Variants in PREX2 observed in about 807,000 individuals in gnomAD.
PREX2 encodes the protein phosphatidylinositol 3,4,5-trisphosphate-dependent Rac exchanger 2 protein.
PREX2 carries 107 observed loss-of-function variants against 203.2 expected under a neutral mutation model. That is an observed-to-expected ratio of 0.53 (90% CI 0.45 to 0.62). The LOEUF is 0.62. Among genes scored for constraint, PREX2 ranks in the 20% least tolerant of loss-of-function variants. The pLI, the probability that PREX2 is intolerant of heterozygous loss-of-function variation, is 0.00. For synonymous variants in PREX2, 672 were observed against 663.6 expected, an observed-to-expected ratio of 1.01 and a Z score of -0.19; for missense variants, 1,777 against 1,955.9, an observed-to-expected ratio of 0.91 and a Z score of 1.72.
At chr8:68,021,444 T>C (rs965175162) in intron 3 of PREX2, among the ~76,000 whole-genome samples, 9 of 152,216 alleles carry the variant, frequency 5.9e-5, no homozygotes, top group Non-Finnish European at 1.3e-4. Context: ...TCTCTCATTC[T>C]CTTAGTTGCT....
chr8:67,989,417 G>T (rs184966024), intron 1 of PREX2, among the ~76,000 whole-genome samples: 1 of 151,898 alleles, frequency 6.6e-6, no homozygotes, highest in Non-Finnish European at 1.5e-5. Context: ...TGAAATATTA[G>T]GTTACTAAAT....
intron 31 of PREX2, among the ~76,000 whole-genome samples, chr8:68,128,616 CTCATCATCTA>C (rs1408303076): frequency 6.6e-6 from 1 of 152,084 alleles, no homozygotes; most frequent in East Asian, 1.9e-4. Context: ...CTGCCTGTCT[CTCATCATCTA>C]TGAGGCTAGC....
intron 35 of PREX2, among the ~76,000 whole-genome samples, chr8:68,180,490 A>C (rs919688093): frequency 7.9e-5 from 12 of 152,116 alleles, no homozygotes; most frequent in Non-Finnish European, 1.6e-4. Flanking sequence ...ATGAGTTTAC[A>C]GATTTGGGTC....
chr8:68,115,021 C>CTTTTTTTTTTTTTTTTTTTTTTTTTTT (rs5892137), intron 25 of PREX2, among the ~76,000 whole-genome samples: 1 of 86,866 alleles, frequency 1.2e-5, no homozygotes, highest in Non-Finnish European at 2.1e-5. Context: ...TCTTTTCTTT[C>CTTTTTTTTTTTTTTTTTTTTTTTTTTT]TTTTTTTTTT....
In PREX2 at chr8:68,109,518, T is replaced by C. The variant is rs1325009951; in HGVS notation, c.3041T>C (p.Leu1014Pro). ...GQQDGHGLRYLLKEEDLETQD... is the reference protein window; with the variant it reads ...GQQDGHGLRYPLKEEDLETQD... ...CAGGATGGCCATGGTCTCAGGTATC[T>C]GCTAAAAGAAGAAGACTTAGAAACC... The change falls in exon 25 of 40, where the codon CTG becomes CCG. Residue 1014 changes from leucine to proline, a missense_variant. Physicochemically the swap from Leu to Pro is moderately conservative, Grantham distance 98. Transcript: ENST00000288368. 12 of 1,614,058 alleles carry C rather than the reference T, an allele frequency of 7.4e-6. No individual in the cohort carries two copies. The highest frequency in any genetic ancestry group is 9.3e-6 in the Non-Finnish European group (11 of 1,179,948).
intron 32 of PREX2, among the ~76,000 whole-genome samples, chr8:68,137,882 A>G (rs1811145109): frequency 6.6e-6 from 1 of 152,234 alleles, no homozygotes; most frequent in Admixed American, 6.5e-5. Flanking sequence ...TGAGGTGAAA[A>G]TGATTCTTGC....
chr8:67,984,670 T>G (rs1284453925), intron 1 of PREX2, among the ~76,000 whole-genome samples: 1 of 152,228 alleles, frequency 6.6e-6, no homozygotes, highest in Non-Finnish European at 1.5e-5. Flanking sequence ...CCTGGAAGAC[T>G]GCAGGTCTGC....
chr8:68,121,830 C>T (rs1585811107), intron 30 of PREX2, among the ~76,000 whole-genome samples: 1 of 152,170 alleles, frequency 6.6e-6, no homozygotes, highest in East Asian at 1.9e-4. Context: ...TGCTGCTGAA[C>T]ATTCTAGAAT....
intron 35 of PREX2, among the ~76,000 whole-genome samples, chr8:68,163,356 G>A (rs765288473): frequency 8.5e-5 from 13 of 152,150 alleles, no homozygotes; most frequent in Admixed American, 5.2e-4. Flanking sequence ...AAACAGGGTA[G>A]CAAATTTGCA....
At chr8:68,105,615 T>C in intron 23 of PREX2, 1 of 1,076,696 alleles carries the variant, frequency 9.3e-7, no homozygotes, top group Non-Finnish European at 1.1e-6. Context: ...GTGCATTATA[T>C]AATTGTATAT....
rs147441775 is a variant in PREX2, at chr8:68,107,863, C to G, written c.2716-246C>G. Among the ~76,000 whole-genome samples, 88 of 152,286 alleles carry G rather than the reference C, an allele frequency of 5.8e-4. 1 individual carries two copies. The highest frequency in any genetic ancestry group is 2.0e-3 in the African/African-American group (83 of 41,558). The stretch of plus-strand genomic sequence containing the variant: ...CCACAGAAATTCATTTCTTTTAACA[C>G]CTAAGTTGCAATCACAGTTTCAAAG... On this transcript the variant is annotated intron_variant, in intron 23 of 39. Coordinates refer to ENST00000288368, the MANE Select transcript of PREX2 (RefSeq NM_024870.4).
chr8:68,166,822 A>C (rs925135982), intron 35 of PREX2, among the ~76,000 whole-genome samples: 1 of 151,902 alleles, frequency 6.6e-6, no homozygotes, highest in African/African-American at 2.4e-5. Context: ...TTTAATAGCC[A>C]GGTGTGATAG....
chr8:67,960,035 T>TAA (rs1805590998), intron 1 of PREX2, among the ~76,000 whole-genome samples: 3 of 150,482 alleles, frequency 2.0e-5, no homozygotes, highest in Non-Finnish European at 3.0e-5. Flanking sequence ...TTCTTTTCTT[T>TAA]TTAATTAATT....
At chr8:68,080,282 G>GAGA (rs1554574472) in intron 15 of PREX2, among the ~76,000 whole-genome samples, 161 bp from the exon 16 acceptor site, 80,008 of 150,696 alleles carry the variant, frequency 0.53, 21,148 homozygotes, top group South Asian at 0.56. Context: ...TATAGAAAGA[G>GAGA]AAAAAAAACA....
intron 1 of PREX2, among the ~76,000 whole-genome samples, chr8:67,990,120 G>C (rs1806554263): frequency 6.6e-6 from 1 of 151,740 alleles, no homozygotes; most frequent in African/African-American, 2.4e-5. Context: ...CAGGTAGCTG[G>C]GATTACAGGC....
chr8:68,007,892 A>G (rs1416394098), intron 1 of PREX2, among the ~76,000 whole-genome samples: 2 of 152,226 alleles, frequency 1.3e-5, no homozygotes, highest in Non-Finnish European at 2.9e-5. Flanking sequence ...TACAGGCATG[A>G]GCCACCGCGC....
chr8:67,976,793 A>AGG (rs1409186384), intron 1 of PREX2, among the ~76,000 whole-genome samples: 1 of 134,076 alleles, frequency 7.5e-6, no homozygotes, highest in African/African-American at 2.6e-5. Context: ...ACAGAGCGAG[A>AGG]GGGGAGAGAG....
chr8:68,045,727 A>G lies in PREX2; in HGVS notation c.943+1137A>G, dbSNP rs371209252. 1.7e-3 allele frequency among the ~76,000 whole-genome samples: 253 copies of G among 152,154 alleles called. 4 individuals carry two copies. The highest frequency in any genetic ancestry group is 5.9e-3 in the African/African-American group (244 of 41,552). On this transcript the variant is annotated intron_variant, in intron 8 of 39. Transcript: ENST00000288368. ...CTGTGGGGTGGTGTGGAGTTGCCAG[A>G]CAGTTGGCAGAGGTAGATATCTCAT...
chr8:68,148,577 A>G (rs1811372875), intron 34 of PREX2, among the ~76,000 whole-genome samples: 1 of 152,266 alleles, frequency 6.6e-6, no homozygotes, highest in South Asian at 2.1e-4. Flanking sequence ...CCTCTATTTT[A>G]TAACTTTGGC....
Sources: gnomAD v4.1 joint callset for allele counts (sites outside exome capture counted in the v4.1 genomes callset) on GRCh38, gnomAD v4.1.1 for gene constraint, MANE v1.5 for transcripts, NCBI Gene and HGNC (gene_info 2026-07-23, HGNC 2026-07-21) for gene names.